Variants in AGBL1 observed in about 807,000 individuals in gnomAD.
AGBL1 encodes the protein cytosolic carboxypeptidase 4.
In AGBL1, 130 loss-of-function variants were observed where a neutral mutation model predicts 118.9. That is an observed-to-expected ratio of 1.09 (90% CI 0.95 to 1.26). The LOEUF (loss-of-function observed/expected upper bound fraction) is 1.26, where lower values mean the gene tolerates loss of function less well. Among genes scored for constraint, AGBL1 ranks in the 50% most tolerant of loss-of-function variants. The pLI is 0.00. For synonymous variants in AGBL1, 555 were observed against 478.9 expected (o/e 1.16, Z -2.08); for missense variants, 1,584 against 1,298.1 (o/e 1.22, Z -3.38).
intron 22 of AGBL1, among the ~76,000 whole-genome samples, chr15:86,720,332 G>C (rs1394807341): frequency 1.3e-5 from 2 of 152,152 alleles, no homozygotes; most frequent in Non-Finnish European, 2.9e-5. Context: ...GGTCATCAAT[G>C]ATTTCTTCTC....
At chr15:86,130,047 A>T (rs1391088909) in intron 1 of AGBL1, among the ~76,000 whole-genome samples, 1 of 152,156 alleles carries the variant, frequency 6.6e-6, no homozygotes, top group Non-Finnish European at 1.5e-5. Flanking sequence ...GTCTTAAGTT[A>T]ACAAAGGTCA....
At chr15:87,019,883 A>G (rs961086933) in intron 24 of AGBL1, among the ~76,000 whole-genome samples, 5 of 152,112 alleles carry the variant, frequency 3.3e-5, no homozygotes, top group African/African-American at 9.6e-5. Flanking sequence ...TTAGACTAAT[A>G]AAGAAGAAAG....
At chr15:86,466,542 G>C (rs756303158) in intron 18 of AGBL1, among the ~76,000 whole-genome samples, 1 of 152,220 alleles carries the variant, frequency 6.6e-6, no homozygotes, top group Non-Finnish European at 1.5e-5. Context: ...TTGCTGGCAA[G>C]GAGTTGTGAT....
At chr15:86,585,731 A>T (rs911263204) in intron 21 of AGBL1, among the ~76,000 whole-genome samples, 5 of 152,192 alleles carry the variant, frequency 3.3e-5, no homozygotes, top group Non-Finnish European at 7.3e-5. Flanking sequence ...AAATGGTTCA[A>T]GGAGTCCAGG....
intron 17 of AGBL1, among the ~76,000 whole-genome samples, chr15:86,339,577 C>G (rs2080428608): frequency 6.6e-6 from 1 of 152,068 alleles, no homozygotes; most frequent in Non-Finnish European, 1.5e-5. Flanking sequence ...TTTTATTGCT[C>G]TATCATCAAG....
chr15:86,137,480 C>T (rs1318532132), intron 1 of AGBL1, among the ~76,000 whole-genome samples: 2 of 152,188 alleles, frequency 1.3e-5, no homozygotes, highest in Non-Finnish European at 2.9e-5. Flanking sequence ...TATCTGAAAG[C>T]CCACATGTGG....
intron 23 of AGBL1, chr15:86,939,506 T>G (rs2080720017): frequency 6.6e-6 from 1 of 152,270 alleles, no homozygotes; most frequent in African/African-American, 2.4e-5. Flanking sequence ...CTGGCTTCCT[T>G]GCTCCTCAGC....
intron 22 of AGBL1, among the ~76,000 whole-genome samples, chr15:86,733,700 T>C (rs1177902124): frequency 2.6e-5 from 4 of 152,206 alleles, no homozygotes; most frequent in Non-Finnish European, 4.4e-5. Flanking sequence ...AACAATCTTA[T>C]GAGGAGCTAT....
intron 23 of AGBL1, among the ~76,000 whole-genome samples, chr15:86,922,391 A>G (rs999699468): frequency 3.9e-5 from 6 of 152,232 alleles, no homozygotes; most frequent in Non-Finnish European, 7.3e-5. Context: ...CCTGGGTTCA[A>G]GAAATTCTCC....
At chr15:86,996,474 G>A (rs1164170154) in intron 24 of AGBL1, among the ~76,000 whole-genome samples, 2 of 152,130 alleles carry the variant, frequency 1.3e-5, no homozygotes, top group African/African-American at 4.8e-5. Context: ...CCCTGTTCTT[G>A]CATGTAGCCA....
At chr15:86,394,789 T>C (rs540362763) in intron 17 of AGBL1, among the ~76,000 whole-genome samples, 15 of 152,108 alleles carry the variant, frequency 9.9e-5, no homozygotes, top group Non-Finnish European at 1.9e-4. Context: ...CAAGTAGGCA[T>C]TTACCAGATG....
At chr15:86,704,662 G>A (rs1396618351) in intron 22 of AGBL1, among the ~76,000 whole-genome samples, 2 of 152,124 alleles carry the variant, frequency 1.3e-5, no homozygotes, top group Non-Finnish European at 1.5e-5. Flanking sequence ...GGAGAAACAG[G>A]AACGCTTTTA....
chr15:86,680,235 A>G (rs568319853), intron 22 of AGBL1, among the ~76,000 whole-genome samples: 1 of 152,274 alleles, frequency 6.6e-6, no homozygotes, highest in Admixed American at 6.5e-5. Context: ...ATCTCTACCC[A>G]TTGTATGCAA....
chr15:86,829,037 G>A (rs2079070080), intron 22 of AGBL1, among the ~76,000 whole-genome samples: 2 of 150,810 alleles, frequency 1.3e-5, no homozygotes, highest in South Asian at 2.1e-4. Context: ...ATGTTGACTG[G>A]ACCTAGTGAG....
At chr15:86,354,904 G>C (rs2080688529) in intron 17 of AGBL1, among the ~76,000 whole-genome samples, 1 of 152,210 alleles carries the variant, frequency 6.6e-6, no homozygotes, top group Non-Finnish European at 1.5e-5. Flanking sequence ...AAGAGATGTG[G>C]AAGCCAGAAA....
intron 5 of AGBL1, among the ~76,000 whole-genome samples, chr15:86,212,897 G>T (rs900402153): frequency 6.6e-6 from 1 of 152,218 alleles, no homozygotes; most frequent in Admixed American, 6.5e-5. Flanking sequence ...TGATCCACCC[G>T]CCTCGGCCTC....
At chr15:87,004,832 G>A (rs185037165) in intron 24 of AGBL1, among the ~76,000 whole-genome samples, 6 of 152,240 alleles carry the variant, frequency 3.9e-5, no homozygotes, top group South Asian at 2.1e-4. Flanking sequence ...GGCTGGTTCC[G>A]GTTGTTCCTT....
intron 22 of AGBL1, among the ~76,000 whole-genome samples, chr15:86,825,033 G>C (rs2078987868): frequency 6.6e-6 from 1 of 152,066 alleles, no homozygotes; most frequent in Non-Finnish European, 1.5e-5. Context: ...CTCCAGCCTA[G>C]GTGACAGAGT....
Position 86,344,804 on chromosome 15 carries a change from A to T in AGBL1, c.2374+49396A>T, listed in dbSNP as rs191477933. Among the ~76,000 whole-genome samples, 28 of 152,236 alleles carry T rather than the reference A, an allele frequency of 1.8e-4. No homozygotes were observed. In the East Asian group the frequency reaches 5.2e-3, roughly 28 times the overall value. ...TTAATGTTCTTATTACCTAAAATGT[A>T]GGCTCTTTCTGGAGCCCCAGAACCC... On this transcript the variant is annotated intron_variant, in intron 17 of 22. Coordinates refer to ENST00000614907, the MANE Select transcript of AGBL1 (RefSeq NM_001386094.1).
Sources: allele counts gnomAD v4.1 joint callset (sites outside exome capture counted in the v4.1 genomes callset), GRCh38; gene constraint gnomAD v4.1.1; transcripts MANE v1.5; gene names NCBI Gene and HGNC (gene_info 2026-07-23, HGNC 2026-07-21).